Variants in LSP1 observed in about 807,000 individuals in gnomAD.
LSP1 encodes the protein lymphocyte specific protein 1.
A neutral mutation model predicts 49.3 loss-of-function variants in LSP1; 32 were observed. That is an observed-to-expected ratio of 0.65 (90% CI 0.49 to 0.87). The LOEUF is 0.87. Ranked by LOEUF, LSP1 falls within the 40% of genes least tolerant of loss-of-function variation. The pLI, the probability that LSP1 is intolerant of heterozygous loss-of-function variation, is 0.00. For synonymous variants in LSP1, 179 were observed against 178.8 expected (o/e 1.00, Z -0.01); for missense variants, 428 against 442.6 (o/e 0.97, Z 0.30).
intron 1 of LSP1, among the ~76,000 whole-genome samples, chr11:1,865,692 AC>A (rs1185747474): frequency 6.7e-6 from 1 of 148,694 alleles, no homozygotes; most frequent in Non-Finnish European, 1.5e-5. Flanking sequence ...CTGCACTGTC[AC>A]CTGCTCACAC....
chr11:1,866,777 G>C (rs117499757), intron 1 of LSP1: 1 of 1,550,348 alleles, frequency 6.5e-7, no homozygotes, highest in African/African-American at 1.4e-5. Flanking sequence ...TAACAAATGG[G>C]CCCAAGAGAA....
rs578061025 is a variant in LSP1, at chr11:1,868,156, C to T, written c.54-11931C>T. Among the ~76,000 whole-genome samples the T allele has an allele frequency of 1.1e-4, 17 of 152,374 alleles. 1 individual carries two copies. Among genetic ancestry groups the T allele is most frequent in the South Asian group, 6.2e-4 (3 of 4,830 alleles). The stretch of plus-strand genomic sequence containing the variant: ...GGACTTCAGCCCACTCAACTCCAGA[C>T]GTCACCCGGACTCAGCCAGCGGCCT... On this transcript the variant is annotated intron_variant, in intron 1 of 10. Transcript: ENST00000311604.
chr11:1,865,195 C>T, intron 1 of LSP1: 2 of 985,868 alleles, frequency 2.0e-6, no homozygotes, highest in Non-Finnish European at 2.4e-6. Flanking sequence ...TGAGCAGAGG[C>T]TGCAGCCTGG....
chr11:1,858,779 G>A (rs1014995628), intron 1 of LSP1, among the ~76,000 whole-genome samples: 2 of 152,212 alleles, frequency 1.3e-5, no homozygotes, highest in African/African-American at 2.4e-5. Flanking sequence ...GGCTGCATGG[G>A]GGTGGGGTTG....
chr11:1,882,493 C>T (rs376914538), intron 3 of LSP1, among the ~76,000 whole-genome samples: 14 of 152,302 alleles, frequency 9.2e-5, no homozygotes, highest in African/African-American at 2.4e-4. Context: ...CAGTGCCCAC[C>T]GCCCCCCTCC....
chr11:1,891,639 G>C (rs1215930086), intron 10 of LSP1, 134 bp from the exon 11 acceptor site: 2 of 153,944 alleles, frequency 1.3e-5, no homozygotes, highest in Non-Finnish European at 2.9e-5. Flanking sequence ...TGGTGGAGTG[G>C]GGGTGTGGGC....
chr11:1,875,210 G>A (rs965063701), intron 1 of LSP1, among the ~76,000 whole-genome samples: 10 of 148,934 alleles, frequency 6.7e-5, no homozygotes, highest in African/African-American at 2.3e-4. Flanking sequence ...CCATCAACCC[G>A]CTGAGGAGTT....
intron 10 of LSP1, chr11:1,890,457 C>G: frequency 1.4e-6 from 1 of 717,318 alleles, no homozygotes; most frequent in Non-Finnish European, 2.6e-6. Flanking sequence ...GGCTGCCTTC[C>G]TCAGGAGCTT....
Position 1,884,103 on chromosome 11 carries a change from A to C in LSP1, c.591+79A>C. On this transcript the variant is annotated intron_variant, in intron 5 of 10. Coordinates refer to ENST00000311604, the MANE Select transcript of LSP1 (RefSeq NM_002339.3). This position sits in a 1 kb window ranked among gnomAD's most constrained non-coding sequence, Gnocchi z 4.1. ...AAAAGGCCAATCCCACATGCCAGCC[A>C]CAGGAAGACCAGGCCCAGGCCTGGC... 2 of 1,490,712 alleles carry C rather than the reference A, an allele frequency of 1.3e-6. No homozygotes were observed. The highest frequency in any genetic ancestry group is 2.3e-5 in the East Asian group (1 of 44,062). The allele number at this position is 1,490,712 out of a possible 1,614,324, so 92.3% of individuals were successfully genotyped here.
chr11:1,890,321 G>A (rs778066099), intron 10 of LSP1: 1 of 712,390 alleles, frequency 1.4e-6, no homozygotes, highest in South Asian at 1.5e-5. Context: ...CTTCGGCGGG[G>A]TGCGGGCCCT....
chr11:1,854,988 C>T (rs1847452383), intron 1 of LSP1, among the ~76,000 whole-genome samples: 1 of 152,184 alleles, frequency 6.6e-6, no homozygotes, highest in South Asian at 2.1e-4. Flanking sequence ...GATCCTGGGG[C>T]ATCTTGGTGC....
chr11:1,864,290 AG>A (rs1847718684), intron 1 of LSP1: 2 of 978,092 alleles, frequency 2.0e-6, no homozygotes, highest in African/African-American at 3.5e-5. Context: ...ACGAAGGAGA[AG>A]AACAGAGGAG....
intron 1 of LSP1, among the ~76,000 whole-genome samples, chr11:1,874,048 G>C (rs561246969): frequency 5.6e-5 from 7 of 124,376 alleles, no homozygotes; most frequent in African/African-American, 1.0e-4. Context: ...GAGGAGGGAG[G>C]CTGGCAGAGC....
At position 1,875,013 on chromosome 11, in the gene LSP1, T is replaced by C. The variant is rs189349573; in HGVS notation, c.54-5074T>C. Among the ~76,000 whole-genome samples, 280 of 152,202 alleles carry C rather than the reference T, an allele frequency of 1.8e-3. 1 individual carries two copies. The highest frequency in any genetic ancestry group is 4.8e-3 in the African/African-American group (201 of 41,534). On this transcript the variant is annotated intron_variant, in intron 1 of 10. Transcript: ENST00000311604. ...GGCACAGCACCTCCTCCCTGTGTGA[T>C]GGGGTGGGGCCCACAGTCTCCTTTC... is the stretch of plus-strand genomic sequence containing the variant.
intron 1 of LSP1, chr11:1,865,260 G>C (rs939740022): frequency 1.8e-5 from 18 of 985,156 alleles, no homozygotes; most frequent in Non-Finnish European, 6.0e-6. Flanking sequence ...GATACCTCTT[G>C]AGGTAGGTCC....
chr11:1,869,132 C>G, intron 1 of LSP1: 1 of 533,038 alleles, frequency 1.9e-6, no homozygotes, highest in Non-Finnish European at 2.4e-6. Flanking sequence ...TGGCCCCTGC[C>G]CCAGGCTCCA....
At chr11:1,890,448 G>A (rs1396373112) in intron 10 of LSP1, 6 of 717,170 alleles carry the variant, frequency 8.4e-6, no homozygotes, top group Non-Finnish European at 1.0e-5. Flanking sequence ...CTTCTTCCGG[G>A]CTGCCTTCCT....
intron 1 of LSP1, among the ~76,000 whole-genome samples, chr11:1,877,949 C>T (rs1457396941): frequency 6.6e-6 from 1 of 152,136 alleles, no homozygotes; most frequent in African/African-American, 2.4e-5. Flanking sequence ...GAAACGTGTG[C>T]ACACGAGCTT....
chr11:1,881,579 G>A lies in LSP1; in HGVS notation c.339G>A (p.Glu113=), dbSNP rs557804735. 23 of 1,519,816 alleles carry A rather than the reference G, an allele frequency of 1.5e-5. No individual in the cohort carries two copies. The highest frequency in any genetic ancestry group is 1.9e-4 in the Middle Eastern group (1 of 5,298). 94.1% of individuals were successfully genotyped at this position (1,519,816 alleles called of 1,614,324 possible). A position where few individuals can be genotyped will look rare whatever the true frequency, so the allele number is the denominator to read the frequency against. The change falls in exon 3 of 11, where the codon GAG becomes GAA. Residue 113 remains glutamate, a synonymous_variant. Transcript: ENST00000311604. ...AGCCCCCCCAGTGCAGGAGTCCTGAGGGGGAGCAAGAGGACAGGTGAGTGA... is the reference window on the plus strand; with the variant it reads ...AGCCCCCCCAGTGCAGGAGTCCTGAAGGGGAGCAAGAGGACAGGTGAGTGA... ...SGEPPQCRSP[E]GEQEDRPGLH...
Sources: allele counts gnomAD v4.1 joint callset (sites outside exome capture counted in the v4.1 genomes callset), GRCh38; gene constraint gnomAD v4.1.1; non-coding constraint Gnocchi (gnomAD v3.1); transcripts MANE v1.5; gene names NCBI Gene and HGNC (gene_info 2026-07-23, HGNC 2026-07-21).